The following SH3BP5 variants were observed in gnomAD, a reference collection of about 807,000 sequenced individuals.
SH3BP5 encodes the protein SH3 domain-binding protein 5.
In SH3BP5, 22 loss-of-function variants were observed where a neutral mutation model predicts 43.3. The ratio of observed to expected loss-of-function variants is 0.51; its 90% CI spans 0.36 to 0.73. SH3BP5 has a LOEUF of 0.73. SH3BP5 is among the 30% of genes least tolerant of loss of function. SH3BP5 has a pLI of 0.00. For missense variants in SH3BP5, 529 were observed against 586.9 expected (o/e 0.90, Z 1.02); for synonymous variants, 255 against 225.8 (o/e 1.13, Z -1.16).
In SH3BP5 at chr3:15,314,575, G is replaced by A. The variant is rs74504005; in HGVS notation, c.202-10344C>T. 2.7e-3 allele frequency among the ~76,000 whole-genome samples: 415 copies of A among 152,310 alleles called. 2 individuals are homozygous for A. Among genetic ancestry groups the A allele is most frequent in the African/African-American group, 9.6e-3 (397 of 41,562 alleles). On this transcript the variant is annotated intron_variant, in intron 2 of 8. Coordinates refer to ENST00000383791, the MANE Select transcript of SH3BP5 (RefSeq NM_004844.5). The stretch of plus-strand genomic sequence containing the variant: ...GGTGTAGGAGCCAGGAAGAAGCAGA[G>A]GTAGAGAGCAGGGGTATGGATGAAG...
At chr3:15,265,496 A>G (rs1225209741) in intron 4 of SH3BP5, among the ~76,000 whole-genome samples, 1 of 142,386 alleles carries the variant, frequency 7.0e-6, no homozygotes, top group Non-Finnish European at 1.5e-5. Flanking sequence ...AGCCTGAGCT[A>G]CAGGGCGAGA....
chr3:15,332,537 G>A lies in SH3BP5; in HGVS notation c.-129C>T, dbSNP rs114248730. 6 of 1,243,884 alleles carry A rather than the reference G, an allele frequency of 4.8e-6. No homozygotes were observed. Among genetic ancestry groups the A allele is most frequent in the African/African-American group, 3.1e-5 (2 of 63,642 alleles). The allele number at this position is 1,243,884 out of a possible 1,614,324, so 77.1% of individuals were successfully genotyped here. ...CGGGGAGCCGCCGGGGCCGACACCCGGGAGACGCAGCTCGCCGATGCGGAT... is the reference window on the plus strand; with the variant it reads ...CGGGGAGCCGCCGGGGCCGACACCCAGGAGACGCAGCTCGCCGATGCGGAT... On this transcript the variant is annotated 5_prime_UTR_variant, in exon 1 of 9. Transcript: ENST00000383791.
At chr3:15,334,210 T>C (rs1288890249), upstream of SH3BP5, among the ~76,000 whole-genome samples, 1 of 152,158 alleles carries the variant, frequency 6.6e-6, no homozygotes, top group Non-Finnish European at 1.5e-5. Context: ...CTCAAGAACA[T>C]CAGTTCAGAC....
intron 1 of SH3BP5, among the ~76,000 whole-genome samples, chr3:15,338,721 C>T (rs1271770334): frequency 4.7e-5 from 7 of 150,442 alleles, no homozygotes; most frequent in African/African-American, 1.7e-4. Flanking sequence ...CTAGCAAGGT[C>T]CCCCGAAAAA....
At chr3:15,298,909 T>C (rs202013768) in intron 3 of SH3BP5, among the ~76,000 whole-genome samples, 1 of 152,120 alleles carries the variant, frequency 6.6e-6, no homozygotes, top group South Asian at 2.1e-4. Flanking sequence ...TGAATGTGCA[T>C]TCACAATGTG....
At chr3:15,311,901 C>T (rs1160084307) in intron 2 of SH3BP5, among the ~76,000 whole-genome samples, 2 of 152,108 alleles carry the variant, frequency 1.3e-5, no homozygotes, top group South Asian at 4.2e-4. Flanking sequence ...AACTCCTGGG[C>T]TCAAGCGATT....
At chr3:15,286,783 C>T (rs1697276881) in intron 3 of SH3BP5, among the ~76,000 whole-genome samples, 1 of 152,122 alleles carries the variant, frequency 6.6e-6, no homozygotes, top group Admixed American at 6.5e-5. Context: ...TAGGCTCAAG[C>T]GATCCACCCG....
intron 3 of SH3BP5, among the ~76,000 whole-genome samples, chr3:15,295,749 C>A (rs992465145): frequency 6.6e-6 from 1 of 152,106 alleles, no homozygotes; most frequent in African/African-American, 2.4e-5. Context: ...CATGACGAAG[C>A]TATGGAAAAG....
intron 7 of SH3BP5, chr3:15,258,254 A>T (rs1696296091): frequency 6.6e-6 from 1 of 152,262 alleles, no homozygotes; most frequent in African/African-American, 2.4e-5. Flanking sequence ...ACAGAAACCA[A>T]GTCAAACTTC....
chr3:15,331,404 T>C (rs986949950), intron 1 of SH3BP5, among the ~76,000 whole-genome samples: 1 of 152,118 alleles, frequency 6.6e-6, no homozygotes, highest in Non-Finnish European at 1.5e-5. Context: ...TTACAGAGCA[T>C]GCTTAAAAGC....
At chr3:15,259,261 C>T in intron 6 of SH3BP5, 1 of 600,058 alleles carries the variant, frequency 1.7e-6, no homozygotes. Flanking sequence ...AGGTGACAAC[C>T]TCTAATATCC....
rs148950356 is a variant in SH3BP5 at position 15,330,608 on chromosome 3, G to A, written c.139-42C>T. ...GGAGAAAAAAAGACTTAAGGGATCC[G>A]TCTTTTGTTTCCAATATAACTCAGT... is the stretch of plus-strand genomic sequence containing the variant. On this transcript the variant is annotated intron_variant, in intron 1 of 8. Coordinates refer to ENST00000383791, the MANE Select transcript of SH3BP5 (RefSeq NM_004844.5). 1.8e-4 allele frequency: 271 copies of A among 1,505,456 alleles called. No homozygotes were observed. In the African/African-American group the frequency reaches 2.5e-3, roughly 14 times the overall value. The allele number at this position is 1,505,456 out of a possible 1,614,324, so 93.3% of individuals were successfully genotyped here.
chr3:15,266,257 A>G (rs997757025), intron 4 of SH3BP5, among the ~76,000 whole-genome samples: 14 of 152,214 alleles, frequency 9.2e-5, no homozygotes, highest in Non-Finnish European at 1.6e-4. Context: ...CACTGTGTGG[A>G]AGGGAGGCGG....
At chr3:15,259,327 C>T in intron 6 of SH3BP5, 1 of 553,652 alleles carries the variant, frequency 1.8e-6, no homozygotes, top group Non-Finnish European at 3.2e-6. Context: ...GGGCATCAGA[C>T]ACACCAAAGT....
chr3:15,300,636 A>G (rs960004258), intron 3 of SH3BP5, among the ~76,000 whole-genome samples: 1 of 151,728 alleles, frequency 6.6e-6, no homozygotes, highest in South Asian at 2.1e-4. Context: ...TGGCCTGAGC[A>G]GCCCACCCTC....
At chr3:15,294,077 C>CAAAAA (rs111324706) in intron 3 of SH3BP5, among the ~76,000 whole-genome samples, 7 of 70,734 alleles carry the variant, frequency 9.9e-5, no homozygotes, top group African/African-American at 2.1e-4. Flanking sequence ...GTCTCCATCT[C>CAAAAA]AAAAAAAAAA....
intron 2 of SH3BP5, among the ~76,000 whole-genome samples, chr3:15,322,664 C>G (rs988008216): frequency 6.6e-6 from 1 of 151,992 alleles, no homozygotes; most frequent in African/African-American, 2.4e-5. Flanking sequence ...AAGGAGAGAC[C>G]CCATCTCTAC....
At chr3:15,332,158 GC>G in intron 1 of SH3BP5, 112 bp downstream of exon 1, 1 of 1,480,910 alleles carries the variant, frequency 6.8e-7, no homozygotes, top group Admixed American at 2.0e-5. Context: ...CTATGTGGCC[GC>G]CAGTCCCCGG....
upstream of SH3BP5, chr3:15,333,219 T>C (rs1482928434): frequency 1.2e-5 from 12 of 985,368 alleles, no homozygotes; most frequent in South Asian, 5.2e-4. Context: ...CATCAACAAG[T>C]AGGGAGACAG....
Sources: allele counts gnomAD v4.1 joint callset (sites outside exome capture counted in the v4.1 genomes callset), GRCh38; gene constraint gnomAD v4.1.1; transcripts MANE v1.5; gene names NCBI Gene and HGNC (gene_info 2026-07-23, HGNC 2026-07-21).